CCDC149: variants seen among roughly 807,000 people sequenced by gnomAD.
CCDC149 encodes the protein coiled-coil domain-containing protein 149.
Under a neutral mutation model 59.9 loss-of-function variants are expected in CCDC149, and 45 were observed. That is an observed-to-expected ratio of 0.75 (90% CI 0.59 to 0.96). The LOEUF is 0.96. CCDC149 is among the 40% of genes least tolerant of loss of function. The pLI is 0.00. For missense variants in CCDC149, 584 were observed against 664.7 expected, an observed-to-expected ratio of 0.88 and a Z score of 1.33; for synonymous variants, 245 against 260.6, an observed-to-expected ratio of 0.94 and a Z score of 0.58.
chr4:24,902,146 G>A (rs1264498146), intron 1 of CCDC149, among the ~76,000 whole-genome samples: 3 of 152,208 alleles, frequency 2.0e-5, no homozygotes, highest in African/African-American at 7.2e-5. Context: ...TAGGTGCAAT[G>A]GAAATAATTG....
intron 1 of CCDC149, among the ~76,000 whole-genome samples, chr4:24,896,005 G>A (rs1720826158): frequency 6.6e-6 from 1 of 152,220 alleles, no homozygotes; most frequent in African/African-American, 2.4e-5. Flanking sequence ...GCATGCAAGG[G>A]CTGCCGCCTC....
intron 3 of CCDC149, among the ~76,000 whole-genome samples, chr4:24,859,286 T>C (rs1718224268): frequency 6.6e-6 from 1 of 152,310 alleles, no homozygotes; most frequent in East Asian, 1.9e-4. Flanking sequence ...ATATTTGAGG[T>C]AGGCTAGGCT....
At chr4:24,823,599 TCTC>T (rs1450892820) in intron 9 of CCDC149, among the ~76,000 whole-genome samples, 1 of 152,186 alleles carries the variant, frequency 6.6e-6, no homozygotes, top group Non-Finnish European at 1.5e-5. Context: ...CTAGAATTAT[TCTC>T]CTATCTCTCT....
At chr4:24,970,111 G>A (rs974955207) in intron 1 of CCDC149, among the ~76,000 whole-genome samples, 2 of 152,172 alleles carry the variant, frequency 1.3e-5, no homozygotes, top group Admixed American at 1.3e-4. Flanking sequence ...GGGATGAAAG[G>A]TTAGCCTATA....
chr4:24,867,968 C>T (rs1718803730), intron 3 of CCDC149, among the ~76,000 whole-genome samples: 1 of 152,228 alleles, frequency 6.6e-6, no homozygotes, highest in Non-Finnish European at 1.5e-5. Flanking sequence ...GACCTCTGGT[C>T]ACATCTGTTA....
intron 1 of CCDC149, among the ~76,000 whole-genome samples, chr4:24,897,940 C>T (rs1720933528): frequency 6.6e-6 from 1 of 152,222 alleles, no homozygotes; most frequent in African/African-American, 2.4e-5. Context: ...ACCCCAGCAG[C>T]ACTCACCAGG....
chr4:24,900,230 C>T (rs1462652505), intron 1 of CCDC149, among the ~76,000 whole-genome samples: 1 of 152,190 alleles, frequency 6.6e-6, no homozygotes, highest in African/African-American at 2.4e-5. Context: ...ATGTAACTGG[C>T]ACATTGAATG....
chr4:24,884,969 G>A (rs1720074159), intron 1 of CCDC149, among the ~76,000 whole-genome samples: 1 of 152,156 alleles, frequency 6.6e-6, no homozygotes, highest in African/African-American at 2.4e-5. Context: ...ACGGAGCTGT[G>A]ACAAGTGGCA....
At chr4:24,822,168 A>T (rs1378450231) in intron 10 of CCDC149, among the ~76,000 whole-genome samples, 2 of 152,228 alleles carry the variant, frequency 1.3e-5, no homozygotes, top group African/African-American at 4.8e-5. Flanking sequence ...TCTACAGATT[A>T]AAAGAAAAGA....
chr4:24,840,669 T>G (rs1377662386), intron 4 of CCDC149, among the ~76,000 whole-genome samples: 4 of 152,200 alleles, frequency 2.6e-5, no homozygotes, highest in African/African-American at 9.6e-5. Flanking sequence ...CCACGCATAG[T>G]GCCAAAGTGC....
intron 3 of CCDC149, among the ~76,000 whole-genome samples, chr4:24,853,548 A>C (rs1375465008): frequency 6.7e-6 from 1 of 149,462 alleles, no homozygotes; most frequent in African/African-American, 2.5e-5. Context: ...AGATTGTGCC[A>C]CTGCACTCCA....
intron 1 of CCDC149, among the ~76,000 whole-genome samples, chr4:24,908,988 C>T (rs900155609): frequency 6.6e-5 from 10 of 152,162 alleles, no homozygotes; most frequent in Admixed American, 5.2e-4. Flanking sequence ...CCTCAGGTGG[C>T]GATAAGAATA....
intron 1 of CCDC149, among the ~76,000 whole-genome samples, chr4:24,977,949 A>G (rs1281524996): frequency 6.6e-6 from 1 of 152,204 alleles, no homozygotes; most frequent in Admixed American, 6.5e-5. Context: ...CCTGGGTAAC[A>G]TAACCACAAT....
chr4:24,849,777 C>T (rs1717538365), intron 4 of CCDC149, among the ~76,000 whole-genome samples: 1 of 152,188 alleles, frequency 6.6e-6, no homozygotes, highest in Non-Finnish European at 1.5e-5. Context: ...AAAATGGCAA[C>T]TCAGAGATAA....
At chr4:24,897,014 G>GTT (rs888081856) in intron 1 of CCDC149, among the ~76,000 whole-genome samples, 111 of 152,266 alleles carry the variant, frequency 7.3e-4, no homozygotes, top group African/African-American at 2.6e-3. Flanking sequence ...GAATTGGTCA[G>GTT]TTCCTTCACT....
chr4:24,853,034 T>C (rs1717761322), intron 4 of CCDC149, 38 bp downstream of exon 4: 1 of 1,312,778 alleles, frequency 7.6e-7, no homozygotes, highest in Admixed American at 1.7e-5. Flanking sequence ...ACGCACAATG[T>C]TGCAGCAGAG....
At chr4:24,808,894 C>T (rs925555120) in intron 12 of CCDC149, 75 bp from the exon 13 acceptor site, 2 of 1,347,982 alleles carry the variant, frequency 1.5e-6, no homozygotes, top group African/African-American at 1.5e-5. Context: ...TGCCAACCTC[C>T]TGCCCAGCCT....
At chr4:24,808,985 AC>A (rs1714414575) in intron 12 of CCDC149, among the ~76,000 whole-genome samples, 166 bp from the exon 13 acceptor site, 1 of 152,150 alleles carries the variant, frequency 6.6e-6, no homozygotes, top group Non-Finnish European at 1.5e-5. Flanking sequence ...GGAACACAGG[AC>A]CCAGGTGAAA....
intron 3 of CCDC149, among the ~76,000 whole-genome samples, chr4:24,863,579 T>A (rs969588433): frequency 2.0e-4 from 30 of 152,298 alleles, no homozygotes; most frequent in African/African-American, 7.2e-4. Context: ...AGTAGAAAAG[T>A]TCCTCTTCAA....
Sources: allele counts gnomAD v4.1 joint callset (sites outside exome capture counted in the v4.1 genomes callset), GRCh38; gene constraint gnomAD v4.1.1; transcripts MANE v1.5; gene names NCBI Gene and HGNC (gene_info 2026-07-23, HGNC 2026-07-21).